The following FBRSL1 variants were observed in gnomAD, a reference collection of about 807,000 sequenced individuals.
FBRSL1 encodes the protein fibrosin like 1.
In FBRSL1, 51 loss-of-function variants were observed where a neutral mutation model predicts 89.6. The ratio of observed to expected loss-of-function variants is 0.57; its 90% confidence interval spans 0.45 to 0.72. The LOEUF (loss-of-function observed/expected upper bound fraction) is 0.72. FBRSL1 is among the 30% of genes least tolerant of loss of function. The probability of loss-of-function intolerance (pLI) is 0.00; values close to 1 mark genes in which losing one functional copy is unlikely to be tolerated. For synonymous variants in FBRSL1, 779 were observed against 681.1 expected, an observed-to-expected ratio of 1.14 and a Z score of -2.24; for missense variants, 1,618 against 1,451.8, an observed-to-expected ratio of 1.11 and a Z score of -1.86.
At chr12:132,552,789 G>A (rs532565810) in intron 5 of FBRSL1, 2 of 160,644 alleles carry the variant, frequency 1.2e-5, no homozygotes, top group African/African-American at 4.8e-5. Flanking sequence ...GGCTGGACAG[G>A]CTGGAGGCCC....
intron 17 of FBRSL1, 85 bp from the exon 18 acceptor site, chr12:132,581,977 C>T (rs2040787479): frequency 7.4e-7 from 1 of 1,344,662 alleles, no homozygotes; most frequent in Non-Finnish European, 1.0e-6. Context: ...GCCTGGGACC[C>T]TTCTAAAACC....
At position 132,509,437 on chromosome 12, in the gene FBRSL1, C is replaced by G. The variant is rs569193001; in HGVS notation, c.489+1087C>G. ...CTGGGCCCCGGTCAGCCCTGCCGGC[C>G]CCAGCGGCTCCTTCCATCCCCAGAT... is the stretch of plus-strand genomic sequence containing the variant. On this transcript the variant is annotated intron_variant, in intron 2 of 18. Transcript: ENST00000680143. 4.5e-5 allele frequency: 56 copies of G among 1,241,284 alleles called. 1 individual carries two copies. The highest frequency in any genetic ancestry group is 4.0e-4 in the South Asian group (10 of 24,716). 76.9% of individuals were successfully genotyped at this position (1,241,284 alleles called of 1,614,324 possible).
intron 4 of FBRSL1, among the ~76,000 whole-genome samples, chr12:132,531,099 CTG>C (rs1371323681): frequency 1.3e-5 from 2 of 152,004 alleles, no homozygotes; most frequent in Non-Finnish European, 2.9e-5. Context: ...TTCCCCGGCA[CTG>C]AGGACTGGAG....
intron 11 of FBRSL1, 47 bp from the exon 12 acceptor site, chr12:132,574,043 G>T: frequency 8.3e-7 from 1 of 1,199,498 alleles, no homozygotes; most frequent in Non-Finnish European, 1.0e-6. Flanking sequence ...GCGTCCTCCT[G>T]CCTGGGCGGC....
At chr12:132,562,257 C>T (rs1314810292) in intron 5 of FBRSL1, among the ~76,000 whole-genome samples, 2 of 152,144 alleles carry the variant, frequency 1.3e-5, no homozygotes, top group Non-Finnish European at 2.9e-5. Context: ...CTCCAGGCCC[C>T]CTGGCTTCCC....
At chr12:132,490,955 C>T (rs1045431525) in intron 1 of FBRSL1, 94 bp downstream of exon 1, 8 of 974,332 alleles carry the variant, frequency 8.2e-6, no homozygotes, top group Admixed American at 1.2e-4. Flanking sequence ...GGCTTGCGAC[C>T]GCCCGCGCCG....
intron 2 of FBRSL1, among the ~76,000 whole-genome samples, chr12:132,515,804 G>A (rs555413468): frequency 6.7e-6 from 1 of 148,588 alleles, no homozygotes; most frequent in South Asian, 2.1e-4. Flanking sequence ...GGAGGCTGAG[G>A]CATGCCAATC....
intron 2 of FBRSL1, chr12:132,510,059 C>T: frequency 7.3e-6 from 9 of 1,231,358 alleles, no homozygotes; most frequent in Non-Finnish European, 9.1e-6. Flanking sequence ...CGCCTTCACT[C>T]CTGGGCCCGG....
chr12:132,550,540 C>T (rs771451975), intron 5 of FBRSL1, among the ~76,000 whole-genome samples: 1 of 152,122 alleles, frequency 6.6e-6, no homozygotes, highest in African/African-American at 2.4e-5. Context: ...GGGGCCTCTC[C>T]TTGTTGGCCC....
rs1458024576 is a variant in FBRSL1 at position 132,582,166 on chromosome 12, C to A, written c.2101C>A (p.Pro701Thr). ...ACTGCACCGGGCACCGCCCTCCTTC[C>A]CGGCTCCGCCCCCGTGGCCCAAGTC... ...NRLHRAPPSF[P>T]APPPWPKSVD... The change falls in exon 18 of 19, where the codon CCG becomes ACG. Residue 701 changes from proline to threonine, a missense_variant. By Grantham distance (38) the Pro-to-Thr change is conservative. Transcript: ENST00000680143. 1 of 1,550,114 alleles carries A rather than the reference C, an allele frequency of 6.5e-7. No homozygotes were observed. Among genetic ancestry groups the A allele is most frequent in the Admixed American group, 2.0e-5 (1 of 51,000 alleles).
chr12:132,511,575 A>T (rs2034346216), intron 2 of FBRSL1: 1 of 985,500 alleles, frequency 1.0e-6, no homozygotes. Context: ...GGCTCTAACC[A>T]GTGGTCCTCC....
intron 5 of FBRSL1, among the ~76,000 whole-genome samples, chr12:132,562,316 TAGGGGTGGTGGCCGCA>T (rs1351082879): frequency 1.3e-5 from 2 of 151,928 alleles, no homozygotes; most frequent in African/African-American, 4.8e-5. Context: ...GCCAGGATTC[TAGGGGTGGTGGCCGCA>T]AGGCTGGGGG....
At chr12:132,525,104 C>T (rs1186735593) in intron 2 of FBRSL1, among the ~76,000 whole-genome samples, 2 of 152,176 alleles carry the variant, frequency 1.3e-5, no homozygotes, top group African/African-American at 2.4e-5. Flanking sequence ...ATGGGTGCTC[C>T]CTTCAGCAGG....
chr12:132,583,596 C>T lies in FBRSL1; in HGVS notation c.2827C>T (p.Leu943=). 2.0e-6 allele frequency: 2 copies of T among 993,254 alleles called. No homozygotes were observed. The highest frequency in any genetic ancestry group is 1.8e-5 in the African/African-American group (1 of 56,766). The allele number at this position is 993,254 out of a possible 1,614,324, so 61.5% of individuals were successfully genotyped here. Residue 943 remains leucine, a synonymous_variant, in exon 19 of 19, where the codon CTG becomes TTG. Coordinates refer to ENST00000680143, the MANE Select transcript of FBRSL1 (RefSeq NM_001367871.1). ...LSPAALHNGL[L]ARTPPAAAAL... is the part of the protein sequence containing the mutation. The stretch of plus-strand genomic sequence containing the variant: ...GCCCGCCGCGCTGCACAATGGGCTC[C>T]TGGCGCGGACCCCGCCCGCCGCCGC...
chr12:132,503,639 C>A (rs1451756740), intron 1 of FBRSL1, among the ~76,000 whole-genome samples: 1 of 152,228 alleles, frequency 6.6e-6, no homozygotes, highest in Non-Finnish European at 1.5e-5. Context: ...AGTTTCTGTT[C>A]AGCTTTTGAC....
intron 1 of FBRSL1, among the ~76,000 whole-genome samples, chr12:132,498,054 C>A (rs946447005): frequency 1.3e-5 from 2 of 152,154 alleles, no homozygotes; most frequent in Non-Finnish European, 2.9e-5. Context: ...CCCGTCACAG[C>A]CTGGCTGGCT....
intron 15 of FBRSL1, among the ~76,000 whole-genome samples, chr12:132,579,321 C>T (rs11146953): frequency 0.41 from 62,824 of 152,026 alleles, 13,565 homozygotes; most frequent in East Asian, 0.71. Flanking sequence ...ACGTCATCTC[C>T]GGTATCATTT....
chr12:132,576,504 A>G (rs2040392290), intron 14 of FBRSL1, among the ~76,000 whole-genome samples: 1 of 152,218 alleles, frequency 6.6e-6, no homozygotes, highest in Non-Finnish European at 1.5e-5. Context: ...TAACTTTTAA[A>G]AGAATCTAAA....
chr12:132,501,363 C>T (rs940138118), intron 1 of FBRSL1, among the ~76,000 whole-genome samples: 3 of 152,216 alleles, frequency 2.0e-5, no homozygotes, highest in Non-Finnish European at 2.9e-5. Flanking sequence ...AGCGTGGGCC[C>T]GGGCCGCCCT....
Sources: allele counts gnomAD v4.1 joint callset (sites outside exome capture counted in the v4.1 genomes callset), GRCh38; gene constraint gnomAD v4.1.1; transcripts MANE v1.5; gene names NCBI Gene and HGNC (gene_info 2026-07-23, HGNC 2026-07-21).